The following POU6F2 variants were observed in gnomAD, a reference collection of about 807,000 sequenced individuals.
POU6F2 encodes POU domain, class 6, transcription factor 2.
Under a neutral mutation model 71.3 loss-of-function variants are expected in POU6F2, and 31 were observed. The observed-to-expected ratio is 0.43, with a 90% confidence interval of 0.33 to 0.59. POU6F2 has a LOEUF of 0.59. Among genes scored for constraint, POU6F2 ranks in the 20% least tolerant of loss-of-function variants. The pLI is 0.04. For missense variants in POU6F2, 783 were observed against 856.8 expected (o/e 0.91, Z 1.07); for synonymous variants, 347 against 355.7 (o/e 0.98, Z 0.27).
intron 1 of POU6F2, among the ~76,000 whole-genome samples, chr7:39,077,636 C>A (rs919521698): frequency 1.3e-5 from 2 of 152,280 alleles, no homozygotes; most frequent in Admixed American, 6.5e-5. Flanking sequence ...GGACACTTAT[C>A]TGAGGTTCAA....
chr7:39,170,902 G>T (rs1362929021), intron 2 of POU6F2, among the ~76,000 whole-genome samples: 7 of 148,660 alleles, frequency 4.7e-5, no homozygotes, highest in African/African-American at 1.7e-4. Context: ...TAATAAACTT[G>T]CTTTCACTTT....
intron 2 of POU6F2, among the ~76,000 whole-genome samples, chr7:39,163,705 T>C (rs144960262): frequency 0.011 from 1,613 of 152,348 alleles, 29 homozygotes; most frequent in African/African-American, 0.036. Flanking sequence ...TGAAGAGATG[T>C]CTGCACTCCC....
At position 39,207,637 on chromosome 7, in the gene POU6F2, A is replaced by G; in HGVS notation, c.598+17A>G. ...ATCTACAAGGTAATCCATAATGTCCATGCGCCACGTAAGGCTCTACCCGTT... is the reference window on the plus strand; with the variant it reads ...ATCTACAAGGTAATCCATAATGTCCGTGCGCCACGTAAGGCTCTACCCGTT... On this transcript the variant is annotated intron_variant, in intron 4 of 9. Coordinates refer to ENST00000518318, the MANE Select transcript of POU6F2 (RefSeq NM_001370959.1). The G allele has an allele frequency of 1.2e-6, 2 of 1,605,884 alleles. No homozygotes were observed. The highest frequency in any genetic ancestry group is 2.2e-5 in the East Asian group (1 of 44,580).
chr7:38,978,728 T>G (rs1283431073), intron 1 of POU6F2, among the ~76,000 whole-genome samples: 1 of 152,146 alleles, frequency 6.6e-6, no homozygotes, highest in African/African-American at 2.4e-5. Context: ...TAGTGCCTCC[T>G]CCTTGTATCT....
At chr7:39,248,578 A>G (rs1783860382) in intron 4 of POU6F2, among the ~76,000 whole-genome samples, 1 of 152,202 alleles carries the variant, frequency 6.6e-6, no homozygotes, top group African/African-American at 2.4e-5. Context: ...TTCTCTGTGC[A>G]TGCATGGATA....
chr7:39,327,454 A>G (rs1785533837), intron 4 of POU6F2, among the ~76,000 whole-genome samples: 1 of 152,034 alleles, frequency 6.6e-6, no homozygotes, highest in Non-Finnish European at 1.5e-5. Flanking sequence ...TAACACATAC[A>G]ATCTTCTTAG....
chr7:39,168,850 C>T (rs557743340), intron 2 of POU6F2, among the ~76,000 whole-genome samples: 2 of 152,282 alleles, frequency 1.3e-5, no homozygotes, highest in East Asian at 3.9e-4. Context: ...AAGAAAACTA[C>T]CACACCAGAG....
intron 4 of POU6F2, among the ~76,000 whole-genome samples, chr7:39,317,356 T>C (rs1562788114): frequency 6.6e-6 from 1 of 152,210 alleles, no homozygotes; most frequent in Non-Finnish European, 1.5e-5. Context: ...CTTTCTAAAG[T>C]GGATCCCTCT....
At chr7:39,350,223 G>A (rs1786114604) in intron 5 of POU6F2, among the ~76,000 whole-genome samples, 1 of 151,666 alleles carries the variant, frequency 6.6e-6, no homozygotes, top group African/African-American at 2.4e-5. Flanking sequence ...TTCTCAGCTG[G>A]ACTCCATATC....
intron 2 of POU6F2, among the ~76,000 whole-genome samples, chr7:39,141,107 T>C (rs1161385312): frequency 6.6e-6 from 1 of 152,160 alleles, no homozygotes; most frequent in Non-Finnish European, 1.5e-5. Flanking sequence ...TAAACCTCAA[T>C]GTCAAACATT....
At chr7:39,447,927 C>T (rs913182764) in intron 7 of POU6F2, among the ~76,000 whole-genome samples, 9 of 152,168 alleles carry the variant, frequency 5.9e-5, no homozygotes, top group Admixed American at 5.9e-4. Flanking sequence ...AATTAAGTAA[C>T]ATATTCCTAA....
At chr7:39,419,847 G>C (rs1051970772) in intron 6 of POU6F2, among the ~76,000 whole-genome samples, 2 of 152,160 alleles carry the variant, frequency 1.3e-5, no homozygotes, top group African/African-American at 2.4e-5. Flanking sequence ...GTTTTCTTCA[G>C]ATTAGCAGCA....
intron 4 of POU6F2, among the ~76,000 whole-genome samples, chr7:39,336,028 A>G (rs1004433336): frequency 1.3e-5 from 2 of 152,340 alleles, no homozygotes; most frequent in African/African-American, 4.8e-5. Context: ...AGCAAAGGAG[A>G]AGTATGCTCT....
chr7:39,008,390 T>C (rs1789151022), intron 1 of POU6F2, among the ~76,000 whole-genome samples: 1 of 152,134 alleles, frequency 6.6e-6, no homozygotes, highest in Non-Finnish European at 1.5e-5. Flanking sequence ...TCTTGTAAAT[T>C]TGTTTGAGTT....
intron 1 of POU6F2, among the ~76,000 whole-genome samples, chr7:38,979,444 A>G (rs1440218396): frequency 6.6e-6 from 1 of 152,200 alleles, no homozygotes; most frequent in African/African-American, 2.4e-5. Flanking sequence ...TCACAGGCTC[A>G]CACTATTTTA....
intron 4 of POU6F2, among the ~76,000 whole-genome samples, chr7:39,210,266 AT>A (rs1303821998): frequency 2.6e-5 from 4 of 152,196 alleles, no homozygotes; most frequent in African/African-American, 9.7e-5. Flanking sequence ...TTGGTCATGA[AT>A]AGTGCCCTTT....
intron 4 of POU6F2, among the ~76,000 whole-genome samples, chr7:39,313,428 T>G (rs1284273566): frequency 6.6e-6 from 1 of 152,124 alleles, no homozygotes; most frequent in Non-Finnish European, 1.5e-5. Context: ...TTACTCTATC[T>G]TTACATATTT....
At position 39,417,003 on chromosome 7, in the gene POU6F2, C is replaced by T. The variant is rs143191045; in HGVS notation, c.1113+10263C>T. On this transcript the variant is annotated intron_variant, in intron 6 of 9. Coordinates refer to ENST00000518318, the MANE Select transcript of POU6F2 (RefSeq NM_001370959.1). ...GGAGTGGAAGCCATTTATATCTCAG[C>T]TTTTCCAACTATAGAATGAAAATTA... Among the ~76,000 whole-genome samples, 926 of 152,172 alleles carry T rather than the reference C, an allele frequency of 6.1e-3. 11 individuals are homozygous for T. Among genetic ancestry groups the T allele is most frequent in the African/African-American group, 0.018 (743 of 41,506 alleles).
chr7:39,234,881 CT>C (rs1794645932), intron 4 of POU6F2, among the ~76,000 whole-genome samples: 1 of 152,154 alleles, frequency 6.6e-6, no homozygotes, highest in African/African-American at 2.4e-5. Context: ...CAAAATAATT[CT>C]TTTGCCAGAC....
Sources: gnomAD v4.1 joint callset for allele counts (sites outside exome capture counted in the v4.1 genomes callset) on GRCh38, gnomAD v4.1.1 for gene constraint, MANE v1.5 for transcripts, NCBI Gene and HGNC (gene_info 2026-07-23, HGNC 2026-07-21) for gene names.